Variants in TSC22D1 observed in about 807,000 individuals in gnomAD.
TSC22D1 encodes the protein TSC22 domain family protein 1.
In TSC22D1, 9 loss-of-function variants were observed where a neutral mutation model predicts 74.2. That is an observed-to-expected ratio of 0.12 (90% CI 0.07 to 0.21). The LOEUF is 0.21. Ranked by LOEUF, TSC22D1 falls within the 10% of genes least tolerant of loss-of-function variation. TSC22D1 has a pLI of 1.00. For missense variants in TSC22D1, 1,427 were observed against 1,304.7 expected (o/e 1.09, Z -1.44); for synonymous variants, 586 against 492.5 (o/e 1.19, Z -2.51).
intron 1 of TSC22D1, among the ~76,000 whole-genome samples, chr13:44,566,765 A>G (rs1161732636): frequency 6.6e-6 from 1 of 152,172 alleles, no homozygotes; most frequent in African/African-American, 2.4e-5. Flanking sequence ...AAAAAATTTG[A>G]AAGCTGGAAA....
At chr13:44,533,350 T>A (rs915276130) in intron 1 of TSC22D1, among the ~76,000 whole-genome samples, 2 of 151,282 alleles carry the variant, frequency 1.3e-5, no homozygotes, top group Non-Finnish European at 2.9e-5. Context: ...TAATCCCAGC[T>A]ACTCACGAGG....
rs546116096 is a variant in TSC22D1, at chr13:44,573,681, A to G, written c.2394T>C (p.Thr798=). The G allele has an allele frequency of 3.7e-5, 60 of 1,614,140 alleles. No individual in the cohort carries two copies. In the South Asian group the frequency reaches 6.4e-4, roughly 17 times the overall value. Residue 798 remains threonine, a synonymous_variant, in exon 1 of 3, where the codon ACT becomes ACC. Coordinates refer to ENST00000458659, the MANE Select transcript of TSC22D1 (RefSeq NM_183422.4). ...LVIASQSSLL[T]VPPQPQGVEP... ...CTACTCCTTGTGGCTGGGGAGGCAC[A>G]GTTAACAAGGAACTTTGGGATGCAA...
At chr13:44,539,258 A>G (rs1881324038) in intron 1 of TSC22D1, 2 of 985,366 alleles carry the variant, frequency 2.0e-6, no homozygotes, top group East Asian at 1.1e-4. Flanking sequence ...CAGTAAAACC[A>G]TAATAGTACT....
chr13:44,574,901 A>G lies in TSC22D1; in HGVS notation c.1174T>C (p.Ser392Pro), dbSNP rs758646625. 1.2e-6 allele frequency: 2 copies of G among 1,613,966 alleles called. No homozygotes were observed. The highest frequency in any genetic ancestry group is 4.5e-5 in the East Asian group (2 of 44,888). ...PNAAAGMTGG[S>P]VSSQQQQPTV... is the part of the protein sequence containing the mutation. ...GGTTGTTGCTGCTGACTTGAAACCG[A>G]TCCCCCAGTCATCCCTGCAGCTGCA... The change falls in exon 1 of 3, where the codon TCG becomes CCG. Residue 392 changes from serine (S) to proline (P), a missense_variant. Around this residue, in one of 3 missense-constraint regions of TSC22D1, gnomAD observed 1,343 missense variants for 1,191.5 expected, o/e 1.13. Coordinates refer to ENST00000458659, the MANE Select transcript of TSC22D1 (RefSeq NM_183422.4).
intron 2 of TSC22D1, among the ~76,000 whole-genome samples, chr13:44,435,485 C>T (rs1419988475): frequency 6.6e-6 from 1 of 152,190 alleles, no homozygotes; most frequent in Non-Finnish European, 1.5e-5. Context: ...AGGCGCTGCT[C>T]CAATAACAAA....
At chr13:44,448,714 A>C (rs1487303709) in intron 1 of TSC22D1, among the ~76,000 whole-genome samples, 3 of 152,066 alleles carry the variant, frequency 2.0e-5, no homozygotes, top group Non-Finnish European at 4.4e-5. Context: ...CAGAATTATA[A>C]AGCAAAATGG....
chr13:44,544,853 T>C (rs750120159), intron 1 of TSC22D1, among the ~76,000 whole-genome samples: 33 of 152,164 alleles, frequency 2.2e-4, no homozygotes, highest in Non-Finnish European at 4.3e-4. Flanking sequence ...AATGTGTTCA[T>C]GCTCCACTGA....
chr13:44,572,910 C>T lies in TSC22D1; in HGVS notation c.2912+253G>A, dbSNP rs192895088. ...AGAGATAATAAAACCACTTGGCGCCCCCAAACCTGTTTTTAATGTGAACAC... is the reference window on the plus strand; with the variant it reads ...AGAGATAATAAAACCACTTGGCGCCTCCAAACCTGTTTTTAATGTGAACAC... On this transcript the variant is annotated intron_variant, in intron 1 of 2. Coordinates refer to ENST00000458659, the MANE Select transcript of TSC22D1 (RefSeq NM_183422.4). Among the ~76,000 whole-genome samples, 157 of 152,246 alleles carry T rather than the reference C, an allele frequency of 1.0e-3. 1 individual carries two copies. In the East Asian group the frequency reaches 0.022, roughly 22 times the overall value.
intron 1 of TSC22D1, chr13:44,437,159 C>T (rs1323719791): frequency 1.0e-6 from 1 of 985,536 alleles, no homozygotes; most frequent in Non-Finnish European, 1.2e-6. Context: ...ACTATGGGGG[C>T]CCCCACACGT....
chr13:44,440,427 AC>A (rs1380779435), intron 1 of TSC22D1, among the ~76,000 whole-genome samples: 1 of 151,918 alleles, frequency 6.6e-6, no homozygotes, highest in Non-Finnish European at 1.5e-5. Flanking sequence ...TTAAAAAAAA[AC>A]AAAAACAAAT....
intron 1 of TSC22D1, among the ~76,000 whole-genome samples, chr13:44,484,686 A>ACACCACAGAATAATAGTACATATGCAG (rs1016383502): frequency 6.6e-6 from 1 of 152,250 alleles, no homozygotes; most frequent in Non-Finnish European, 1.5e-5. Flanking sequence ...AGTATAGGCC[A>ACACCACAGAATAATAGTACATATGCAG]CACCACAGAA....
At chr13:44,509,830 G>A (rs1389580928) in intron 1 of TSC22D1, among the ~76,000 whole-genome samples, 1 of 150,888 alleles carries the variant, frequency 6.6e-6, no homozygotes, top group Non-Finnish European at 1.5e-5. Flanking sequence ...ATATGTAATG[G>A]TTCACTAACA....
intron 1 of TSC22D1, among the ~76,000 whole-genome samples, chr13:44,450,894 G>A (rs187409197): frequency 6.6e-6 from 1 of 152,304 alleles, no homozygotes; most frequent in East Asian, 1.9e-4. Context: ...TGGTGGAGCT[G>A]GGCGGCCACA....
intron 1 of TSC22D1, among the ~76,000 whole-genome samples, chr13:44,481,537 G>C (rs1488310083): frequency 6.6e-6 from 1 of 152,194 alleles, no homozygotes; most frequent in Non-Finnish European, 1.5e-5. Flanking sequence ...GCCTCAGTCA[G>C]TGTAATAACT....
chr13:44,521,770 TTTTC>T (rs1435787377), intron 1 of TSC22D1, among the ~76,000 whole-genome samples: 1 of 152,034 alleles, frequency 6.6e-6, no homozygotes, highest in African/African-American at 2.4e-5. Context: ...TCCGAAAGAT[TTTTC>T]TTTCTTAACC....
chr13:44,493,903 A>G (rs1878836335), intron 1 of TSC22D1, among the ~76,000 whole-genome samples: 1 of 152,180 alleles, frequency 6.6e-6, no homozygotes, highest in African/African-American at 2.4e-5. Context: ...TTCAGACATC[A>G]TACATGACAA....
At chr13:44,473,365 C>T (rs1333052400) in intron 1 of TSC22D1, among the ~76,000 whole-genome samples, 1 of 151,930 alleles carries the variant, frequency 6.6e-6, no homozygotes, top group Non-Finnish European at 1.5e-5. Flanking sequence ...CATGGTGGCA[C>T]ACACCTGTAG....
intron 1 of TSC22D1, among the ~76,000 whole-genome samples, chr13:44,514,556 A>G (rs901606313): frequency 6.6e-6 from 1 of 152,064 alleles, no homozygotes; most frequent in Non-Finnish European, 1.5e-5. Context: ...CGGAAACACA[A>G]ATATTTATAA....
chr13:44,503,910 C>T (rs1655986064), intron 1 of TSC22D1, among the ~76,000 whole-genome samples: 1 of 151,662 alleles, frequency 6.6e-6, no homozygotes, highest in South Asian at 2.1e-4. Context: ...TTTAAATAAA[C>T]TCATGACAAA....
Sources: allele counts gnomAD v4.1 joint callset (sites outside exome capture counted in the v4.1 genomes callset), GRCh38; gene constraint gnomAD v4.1.1; regional missense constraint gnomAD v4.1.1; transcripts MANE v1.5; gene names NCBI Gene and HGNC (gene_info 2026-07-23, HGNC 2026-07-21).